GAS7: variants seen among roughly 807,000 people sequenced by gnomAD.
GAS7 encodes the protein growth arrest specific 7.
In GAS7, 28 loss-of-function variants were observed where a neutral mutation model predicts 71.1. That is an observed-to-expected ratio of 0.39 (90% CI 0.29 to 0.54). The LOEUF is 0.54. Among genes scored for constraint, GAS7 ranks in the 20% least tolerant of loss-of-function variants. GAS7 has a pLI of 0.62. For missense variants in GAS7, 436 were observed against 627.8 expected, an observed-to-expected ratio of 0.69 and a Z score of 3.27; for synonymous variants, 258 against 245.8, an observed-to-expected ratio of 1.05 and a Z score of -0.46.
chr17:10,036,421 A>G, intron 1 of GAS7: 1 of 1,600,904 alleles, frequency 6.2e-7, no homozygotes, highest in Non-Finnish European at 8.6e-7. Context: ...AGGCAAGAAA[A>G]ATCAATTCTT....
intron 1 of GAS7, among the ~76,000 whole-genome samples, chr17:10,155,608 T>C (rs1309759639): frequency 1.3e-5 from 2 of 152,188 alleles, no homozygotes; most frequent in Non-Finnish European, 2.9e-5. Context: ...ATTTAGACCA[T>C]GGCCTCCCTC....
intron 1 of GAS7, among the ~76,000 whole-genome samples, chr17:10,176,893 G>C (rs1201878243): frequency 2.0e-5 from 3 of 152,146 alleles, no homozygotes; most frequent in Non-Finnish European, 2.9e-5. Flanking sequence ...AATCAGACAA[G>C]ATGTCCCCAG....
rs1054163655 is a variant in GAS7, at chr17:9,913,140, A to G, written c.*4088T>C. On this transcript the variant is annotated 3_prime_UTR_variant, in exon 14 of 14. Coordinates refer to ENST00000432992, the MANE Select transcript of GAS7 (RefSeq NM_201433.2). ...AATTTGTCAAAATTCACAGAGCTGT[A>G]TATTTCCAAAGGGTGAATTTTACTG... 5 of 232,270 alleles carry G rather than the reference A, an allele frequency of 2.2e-5. No individual in the cohort carries two copies. The highest frequency in any genetic ancestry group is 4.4e-5 in the African/African-American group (2 of 45,296). 14.4% of individuals were successfully genotyped at this position (232,270 alleles called of 1,614,324 possible).
At chr17:9,936,760 G>A (rs1361432429) in intron 8 of GAS7, among the ~76,000 whole-genome samples, 1 of 152,134 alleles carries the variant, frequency 6.6e-6, no homozygotes, top group African/African-American at 2.4e-5. Context: ...TACAGTTTCA[G>A]GTACGCCAAA....
At chr17:9,967,348 T>TG (rs1317706596) in intron 4 of GAS7, among the ~76,000 whole-genome samples, 1 of 152,206 alleles carries the variant, frequency 6.6e-6, no homozygotes, top group Non-Finnish European at 1.5e-5. Context: ...AGCACTTCTT[T>TG]GCTGTGGTGT....
At position 10,026,303 on chromosome 17, in the gene GAS7, G is replaced by T. The variant is rs1342597815; in HGVS notation, c.184-6406C>A. ...GAAGCAATAGGAGCTCTAAAGAAAAGCATATCCACAGGGCCCCACACCCCC... is the reference window on the plus strand; with the variant it reads ...GAAGCAATAGGAGCTCTAAAGAAAATCATATCCACAGGGCCCCACACCCCC... On this transcript the variant is annotated intron_variant, in intron 1 of 13. Transcript: ENST00000432992. This position sits in a 1 kb window ranked among gnomAD's most constrained non-coding sequence, Gnocchi z 4.5. 1.8e-5 allele frequency: 18 copies of T among 985,026 alleles called. No individual in the cohort carries two copies. Among genetic ancestry groups the T allele is most frequent in the Non-Finnish European group, 2.2e-5 (18 of 829,790 alleles). 61.0% of individuals were successfully genotyped at this position (985,026 alleles called of 1,614,324 possible). A position where few individuals can be genotyped will look rare whatever the true frequency, so the allele number is the denominator to read the frequency against.
chr17:10,145,252 G>A (rs2074112946), intron 1 of GAS7, among the ~76,000 whole-genome samples: 1 of 152,222 alleles, frequency 6.6e-6, no homozygotes, highest in Non-Finnish European at 1.5e-5. Flanking sequence ...CAATGCTCAA[G>A]TGCACATCAA....
intron 1 of GAS7, among the ~76,000 whole-genome samples, chr17:10,115,984 G>A (rs1435024286): frequency 6.6e-6 from 1 of 152,206 alleles, no homozygotes; most frequent in African/African-American, 2.4e-5. Context: ...GCACCTTGGT[G>A]GGACCCCTCA....
chr17:10,126,096 G>A lies in GAS7; in HGVS notation c.183+72112C>T, dbSNP rs373998354. On this transcript the variant is annotated intron_variant, in intron 1 of 13. Coordinates refer to ENST00000432992, the MANE Select transcript of GAS7 (RefSeq NM_201433.2). ...CCCACAGCAGGGGTCGGGGGTGGTG[G>A]CCACACTATTTGGGTTCCCTGGCCA... Among the ~76,000 whole-genome samples the A allele has an allele frequency of 2.5e-4, 38 of 152,292 alleles. 2 individuals are homozygous for A. The highest frequency in any genetic ancestry group is 6.8e-3 in the Middle Eastern group (2 of 294).
At chr17:10,132,794 C>A (rs2074007280) in intron 1 of GAS7, among the ~76,000 whole-genome samples, 1 of 151,850 alleles carries the variant, frequency 6.6e-6, no homozygotes, top group African/African-American at 2.4e-5. Context: ...GCAATTTAAT[C>A]TTTAAAGTCT....
rs943774946 is a variant in GAS7, at chr17:9,919,036, T to C, written c.1218+590A>G. Among the ~76,000 whole-genome samples, 2 of 152,116 alleles carry C rather than the reference T, an allele frequency of 1.3e-5. No individual in the cohort carries two copies. The highest frequency in any genetic ancestry group is 4.8e-5 in the African/African-American group (2 of 41,418). On this transcript the variant is annotated intron_variant, in intron 12 of 13. Coordinates refer to ENST00000432992, the MANE Select transcript of GAS7 (RefSeq NM_201433.2). The surrounding 1 kb of genome is among the most constrained non-coding windows in gnomAD (Gnocchi z 5.0). ...TCCGATGAGCACCTGGCATGATGCC[T>C]CCTGTCCCATCTGGCCCAAGTACCA...
intron 2 of GAS7, among the ~76,000 whole-genome samples, chr17:10,016,620 A>AAACAAAACAAAAAAAACAAAAC (rs1555523684): frequency 2.3e-5 from 3 of 131,666 alleles, no homozygotes; most frequent in African/African-American, 9.2e-5. Context: ...AAAAAAAAAA[A>AAACAAAACAAAAAAAACAAAAC]AAAACAAAAC....
At chr17:10,143,523 C>G (rs953449571) in intron 1 of GAS7, among the ~76,000 whole-genome samples, 1 of 131,888 alleles carries the variant, frequency 7.6e-6, no homozygotes, top group Non-Finnish European at 1.6e-5. Context: ...GCCTGGGCAA[C>G]GAGAGAAAAA....
chr17:10,133,279 C>T (rs1029471487), intron 1 of GAS7, among the ~76,000 whole-genome samples: 2 of 151,978 alleles, frequency 1.3e-5, no homozygotes, highest in African/African-American at 4.8e-5. Flanking sequence ...GGTGCCACTA[C>T]ACCCAGCTAA....
At chr17:10,173,544 G>A (rs1473604309) in intron 1 of GAS7, among the ~76,000 whole-genome samples, 1 of 151,998 alleles carries the variant, frequency 6.6e-6, no homozygotes, top group Non-Finnish European at 1.5e-5. Flanking sequence ...AGAGATGGGC[G>A]GATCACAAGG....
At chr17:10,145,959 G>A (rs1220839630) in intron 1 of GAS7, among the ~76,000 whole-genome samples, 1 of 152,204 alleles carries the variant, frequency 6.6e-6, no homozygotes, top group African/African-American at 2.4e-5. Context: ...GAGGGTTCCA[G>A]AGGGTGAGGC....
In GAS7 at chr17:9,916,848, G is replaced by T; in HGVS notation, c.*380C>A. The T allele has an allele frequency of 2.3e-6, 1 of 444,302 alleles. No homozygotes were observed. Among genetic ancestry groups the T allele is most frequent in the Non-Finnish European group, 4.0e-6 (1 of 251,690 alleles). The allele number at this position is 444,302 out of a possible 1,614,324, so 27.5% of individuals were successfully genotyped here. A position where few individuals can be genotyped will look rare whatever the true frequency, so the allele number is the denominator to read the frequency against. On this transcript the variant is annotated 3_prime_UTR_variant, in exon 14 of 14. Coordinates refer to ENST00000432992, the MANE Select transcript of GAS7 (RefSeq NM_201433.2). ...GCCCTCCCTACCCTGATCCTCCAAA[G>T]CCCTGGAGACAAGGGAGCCAGCTGG...
intron 6 of GAS7, among the ~76,000 whole-genome samples, chr17:9,946,170 AC>A (rs2068779062): frequency 6.6e-6 from 1 of 152,136 alleles, no homozygotes; most frequent in African/African-American, 2.4e-5. Flanking sequence ...AGTCACTATG[AC>A]TTTAACATGC....
intron 1 of GAS7, among the ~76,000 whole-genome samples, chr17:10,190,306 CGGGCGCA>C (rs1345021287): frequency 6.6e-6 from 1 of 152,080 alleles, no homozygotes; most frequent in Admixed American, 6.6e-5. Flanking sequence ...TGTTTCTGGC[CGGGCGCA>C]GTGGCTCATG....
Sources: gnomAD v4.1 joint callset for allele counts (sites outside exome capture counted in the v4.1 genomes callset) on GRCh38, gnomAD v4.1.1 for gene constraint, Gnocchi (gnomAD v3.1) non-coding constraint, MANE v1.5 for transcripts, NCBI Gene and HGNC (gene_info 2026-07-23, HGNC 2026-07-21) for gene names.